Variants in HMCN1 observed in about 807,000 individuals in gnomAD.
HMCN1 encodes hemicentin 1.
In HMCN1, 321 loss-of-function variants were observed where a neutral mutation model predicts 625.9. That is an observed-to-expected ratio of 0.51 (90% CI 0.47 to 0.56). The LOEUF (loss-of-function observed/expected upper bound fraction) is 0.56. Among genes scored for constraint, HMCN1 ranks in the 20% least tolerant of loss-of-function variants. The pLI, the probability that HMCN1 is intolerant of heterozygous loss-of-function variation, is 0.00. For synonymous variants in HMCN1, 2,425 were observed against 2,417.6 expected (o/e 1.00, Z -0.09); for missense variants, 6,588 against 6,887.3 (o/e 0.96, Z 1.54).
At chr1:185,977,584 T>A (rs1304134703) in intron 15 of HMCN1, among the ~76,000 whole-genome samples, 3 of 152,150 alleles carry the variant, frequency 2.0e-5, no homozygotes, top group Non-Finnish European at 1.5e-5. Context: ...TGGTTGGGCT[T>A]CTAAGTGTCT....
At chr1:185,819,556 A>C (rs1462666089) in intron 1 of HMCN1, among the ~76,000 whole-genome samples, 1 of 152,002 alleles carries the variant, frequency 6.6e-6, no homozygotes, top group African/African-American at 2.4e-5. Flanking sequence ...ATTGGAGAAA[A>C]ATATCTCATT....
At chr1:185,790,043 GCAAA>G (rs1441655117) in intron 1 of HMCN1, among the ~76,000 whole-genome samples, 1 of 152,142 alleles carries the variant, frequency 6.6e-6, no homozygotes, top group African/African-American at 2.4e-5. Context: ...GCTGTCACTT[GCAAA>G]CAGTCTGTCC....
chr1:185,926,820 G>A (rs893045502), intron 9 of HMCN1, among the ~76,000 whole-genome samples: 1 of 152,196 alleles, frequency 6.6e-6, no homozygotes, highest in African/African-American at 2.4e-5. Flanking sequence ...GGATGTAAGA[G>A]AGAATCCGTT....
intron 2 of HMCN1, among the ~76,000 whole-genome samples, chr1:185,860,198 A>G (rs1358127668): frequency 6.6e-6 from 1 of 152,184 alleles, no homozygotes; most frequent in African/African-American, 2.4e-5. Context: ...TCAGTTAGCT[A>G]GAAGCAGAAA....
In HMCN1 at chr1:185,819,071, T is replaced by C. The variant is rs866838888; in HGVS notation, c.269-26955T>C. Among the ~76,000 whole-genome samples the C allele has an allele frequency of 6.4e-4, 97 of 152,044 alleles. 1 individual carries two copies. Among genetic ancestry groups the C allele is most frequent in the African/African-American group, 2.2e-3 (91 of 41,482 alleles). On this transcript the variant is annotated intron_variant, in intron 1 of 106. Transcript: ENST00000271588. ...GGCCAACATGGTGAAACCCCATCTC[T>C]ACTAAAAATACAAAAATTTGCTGGG...
intron 30 of HMCN1, among the ~76,000 whole-genome samples, chr1:186,012,057 C>T (rs576067114): frequency 6.6e-6 from 1 of 152,246 alleles, no homozygotes; most frequent in South Asian, 2.1e-4. Context: ...AGTCATAGAA[C>T]TGATGATGTT....
intron 99 of HMCN1, 143 bp downstream of exon 99, chr1:186,166,446 G>A: frequency 1.9e-6 from 2 of 1,053,134 alleles, no homozygotes; most frequent in African/African-American, 1.6e-5. Context: ...CCATTGGGCT[G>A]AGAAAGTAAG....
chr1:185,864,497 A>G lies in HMCN1; in HGVS notation c.367A>G (p.Ile123Val). 6.2e-7 allele frequency: 1 copy of G among 1,614,068 alleles called. No homozygotes were observed. The highest frequency in any genetic ancestry group is 8.5e-7 in the Non-Finnish European group (1 of 1,179,960). Residue 123 changes from isoleucine (I) to valine (V), a missense_variant, in exon 3 of 107, where the codon ATT (isoleucine) becomes GTT (valine). By Grantham distance (29) the Ile-to-Val change is conservative. Around this residue, in one of 3 missense-constraint regions of HMCN1, gnomAD observed 4,628 missense variants for 4,853.1 expected, o/e 0.95. Transcript: ENST00000271588. ...TGGTGGTGATTGCCCAGAAATGAGT[A>G]TTGGAGCTATAAAAATTGCCTTGGA... ...QGGGDCPEMSIGAIKIALEIS... is the reference protein window; with the variant it reads ...QGGGDCPEMSVGAIKIALEIS...
intron 2 of HMCN1, among the ~76,000 whole-genome samples, chr1:185,857,733 C>G (rs923365477): frequency 6.6e-6 from 1 of 152,124 alleles, no homozygotes; most frequent in African/African-American, 2.4e-5. Flanking sequence ...TCGAATATGT[C>G]AAGATTGCTT....
At chr1:185,937,534 G>A (rs1667869902) in intron 11 of HMCN1, among the ~76,000 whole-genome samples, 1 of 152,112 alleles carries the variant, frequency 6.6e-6, no homozygotes, top group African/African-American at 2.4e-5. Flanking sequence ...AATTCAGGGA[G>A]ACACATTCAA....
chr1:186,032,274 A>G (rs1028005058), intron 36 of HMCN1, among the ~76,000 whole-genome samples: 1 of 152,168 alleles, frequency 6.6e-6, no homozygotes, highest in African/African-American at 2.4e-5. Flanking sequence ...CAATTCTCAA[A>G]GATATACAAG....
chr1:186,001,830 A>T, intron 28 of HMCN1, 89 bp downstream of exon 28: 1 of 1,086,440 alleles, frequency 9.2e-7, no homozygotes, highest in East Asian at 2.5e-5. Context: ...AAAGAGAAAA[A>T]GATAAATTGA....
intron 71 of HMCN1, among the ~76,000 whole-genome samples, chr1:186,110,830 G>A (rs1021782763): frequency 2.6e-5 from 4 of 151,928 alleles, no homozygotes; most frequent in Admixed American, 2.0e-4. Context: ...CCCAAGGTGG[G>A]GGAAGGGGAG....
At chr1:186,155,624 T>C (rs563433746) in intron 97 of HMCN1, among the ~76,000 whole-genome samples, 5 of 152,318 alleles carry the variant, frequency 3.3e-5, no homozygotes, top group Middle Eastern at 3.4e-3. Flanking sequence ...TTAAAGATCT[T>C]TGTACCGTCT....
intron 11 of HMCN1, among the ~76,000 whole-genome samples, chr1:185,960,793 G>A (rs1021434903): frequency 2.0e-5 from 3 of 152,078 alleles, no homozygotes; most frequent in African/African-American, 7.2e-5. Context: ...TAGGAAGATG[G>A]GACTGAATAA....
intron 44 of HMCN1, among the ~76,000 whole-genome samples, chr1:186,055,059 A>G (rs182199691): frequency 1.2e-3 from 180 of 152,134 alleles, no homozygotes; most frequent in African/African-American, 3.9e-3. Flanking sequence ...TACTATATCT[A>G]TTTTAAATAA....
In HMCN1 at chr1:185,734,627, C is replaced by G. The variant is rs968118446; in HGVS notation, c.-153C>G. ...GAGGGATTCGAGTTTGGTGCTTGTC[C>G]CCGTCTGATTCTCAGCGCCAAACTT... On this transcript the variant is annotated 5_prime_UTR_variant, in exon 1 of 107. Coordinates refer to ENST00000271588, the MANE Select transcript of HMCN1 (RefSeq NM_031935.3). 1.7e-5 allele frequency: 12 copies of G among 724,704 alleles called. No homozygotes were observed. The highest frequency in any genetic ancestry group is 2.6e-5 in the Non-Finnish European group (11 of 417,840). The allele number at this position is 724,704 out of a possible 1,614,324, so 44.9% of individuals were successfully genotyped here. A position where few individuals can be genotyped will look rare whatever the true frequency, so the allele number is the denominator to read the frequency against.
At chr1:185,738,969 A>T (rs1653789338) in intron 1 of HMCN1, among the ~76,000 whole-genome samples, 1 of 152,162 alleles carries the variant, frequency 6.6e-6, no homozygotes. Context: ...TGACTTCGTC[A>T]TCCAGGTAGT....
intron 1 of HMCN1, among the ~76,000 whole-genome samples, chr1:185,803,340 A>G (rs1571375264): frequency 1.3e-5 from 2 of 152,160 alleles, no homozygotes; most frequent in East Asian, 3.9e-4. Context: ...TAGCTTTGAC[A>G]TCTTTATGAC....
Sources: allele counts gnomAD v4.1 joint callset (sites outside exome capture counted in the v4.1 genomes callset), GRCh38; gene constraint gnomAD v4.1.1; regional missense constraint gnomAD v4.1.1; transcripts MANE v1.5; gene names NCBI Gene and HGNC (gene_info 2026-07-23, HGNC 2026-07-21).